Variants in SPSB3 observed in about 807,000 individuals in gnomAD.
The protein encoded by SPSB3 is SPRY domain-containing SOCS box protein 3.
A neutral mutation model predicts 29.5 loss-of-function variants in SPSB3; 18 were observed. That is an observed-to-expected ratio of 0.61 (90% confidence interval 0.42 to 0.91). The LOEUF (loss-of-function observed/expected upper bound fraction) is 0.91. SPSB3 is among the 40% of genes least tolerant of loss of function. The pLI, the probability that SPSB3 is intolerant of heterozygous loss-of-function variation, is 0.00. For missense variants in SPSB3, 540 were observed against 507.5 expected (o/e 1.06, Z -0.61); for synonymous variants, 299 against 214.1 (o/e 1.40, Z -3.46).
rs762526983 is a variant in SPSB3, at chr16:1,778,621, G to C, written c.127-9C>G. The C allele has an allele frequency of 1.3e-4, 201 of 1,538,316 alleles. 2 individuals carry two copies. In the South Asian group the frequency reaches 2.1e-3, roughly 16 times the overall value. On this transcript the variant is annotated splice_polypyrimidine_tract_variant and intron_variant, in intron 2 of 6. Coordinates refer to ENST00000566339, the MANE Select transcript of SPSB3 (RefSeq NM_080861.4). ...GAGTCCGAGTCGCTGTGCTGGGAGAGAAGGGCCGGCTGTTACTACCTGTTG... is the reference window on the plus strand; with the variant it reads ...GAGTCCGAGTCGCTGTGCTGGGAGACAAGGGCCGGCTGTTACTACCTGTTG...
rs540935603 is a variant in SPSB3, at chr16:1,778,739, A to G, written c.127-127T>C. Reference sequence around the variant, plus strand: ...AGGATGGGGGTCCAGGCCTCCAGGGACTTCACAGTACCCCGAGCGCACAGC... The same window carrying G: ...AGGATGGGGGTCCAGGCCTCCAGGGGCTTCACAGTACCCCGAGCGCACAGC... On this transcript the variant is annotated intron_variant, in intron 2 of 6. Coordinates refer to ENST00000566339, the MANE Select transcript of SPSB3 (RefSeq NM_080861.4). The G allele has an allele frequency of 3.7e-5, 38 of 1,033,810 alleles. No individual in the cohort carries two copies. The African/African-American group carries it at 5.5e-4, about 15-fold the overall frequency. 64.0% of individuals were successfully genotyped at this position (1,033,810 alleles called of 1,614,324 possible). A position where few individuals can be genotyped will look rare whatever the true frequency, so the allele number is the denominator to read the frequency against.
intron 5 of SPSB3, 30 bp downstream of exon 5, chr16:1,777,916 C>T (rs376603919): frequency 4.5e-5 from 73 of 1,611,702 alleles, no homozygotes; most frequent in African/African-American, 3.7e-4. Flanking sequence ...GCTCCAGGCT[C>T]GGCCCCGCCC....
At position 1,777,118 on chromosome 16, in the gene SPSB3, C is replaced by A; in HGVS notation, c.1047G>T (p.Arg349Ser). 6.2e-7 allele frequency: 1 copy of A among 1,611,200 alleles called. No homozygotes were observed. Among genetic ancestry groups the A allele is most frequent in the African/African-American group, 1.3e-5 (1 of 75,026 alleles). The change falls in exon 7 of 7, where the codon AGG (arginine) becomes AGT (serine). Residue 349 changes from arginine (R) to serine (S), a missense_variant. Arg to Ser is a moderately radical substitution (Grantham distance 110, BLOSUM62 -1). Coordinates refer to ENST00000566339, the MANE Select transcript of SPSB3 (RefSeq NM_080861.4). Reference protein sequence around the residue: ...PSSREPRPCQRKRCRRT With the variant: ...PSSREPRPCQSKRCRRT The stretch of plus-strand genomic sequence containing the variant: ...TCAGTCAGGTCCGGCGGCAGCGCTT[C>A]CTCTGGCAGGGCCGAGGCTCGCGAC...
chr16:1,779,377 C>T, intron 2 of SPSB3: 1 of 152,684 alleles, frequency 6.5e-6, no homozygotes, highest in Admixed American at 6.5e-5. Context: ...TGGCGGGGGG[C>T]CTGTGGCAGA....
At chr16:1,777,555 G>A (rs1234732875) in intron 6 of SPSB3, 112 bp from the exon 7 acceptor site, 62 of 1,355,112 alleles carry the variant, frequency 4.6e-5, no homozygotes, top group Non-Finnish European at 6.1e-5. Context: ...GCACAGCTGA[G>A]GCAAGGCAGG....
Position 1,777,194 on chromosome 16 carries a change from C to T in SPSB3, c.971G>A (p.Arg324His), listed in dbSNP as rs760381844. 73 of 1,610,298 alleles carry T rather than the reference C, an allele frequency of 4.5e-5. 1 individual carries two copies. In the East Asian group the frequency reaches 4.7e-4, roughly 10 times the overall value. The part of the protein sequence containing the change: ...GWVLSMSCSR[R>H]KAPVSDPQAA... ...CTGGGGATCGGACACTGGAGCCTTG[C>T]GGCGGCTGCAACTCATGCTCAGGAC... Residue 324 changes from arginine (R) to histidine (H), a missense_variant, in exon 7 of 7, where the codon CGC (arginine) becomes CAC (histidine). Arg to His is a conservative substitution (Grantham distance 29). Transcript: ENST00000566339.
At chr16:1,780,884 C>T (rs1277154875) in intron 2 of SPSB3, 1 of 333,064 alleles carries the variant, frequency 3.0e-6, no homozygotes, top group African/African-American at 2.2e-5. Flanking sequence ...AGGCACGTGC[C>T]ACCACGCCTG....
intron 1 of SPSB3, 100 bp downstream of exon 1, chr16:1,782,402 G>C (rs1445010247): frequency 6.6e-6 from 1 of 151,876 alleles, no homozygotes; most frequent in Non-Finnish European, 1.5e-5. Context: ...CCTCCGGAGA[G>C]GAACAAAGGC....
intron 1 of SPSB3, chr16:1,781,857 C>G: frequency 3.8e-6 from 1 of 265,606 alleles, no homozygotes; most frequent in Non-Finnish European, 7.4e-6. Flanking sequence ...TCTCCGGCCT[C>G]CCAGTTCCTC....
rs1182203767 is a variant in SPSB3, at chr16:1,777,203, C to T, written c.962G>A (p.Cys321Tyr). The T allele has an allele frequency of 6.2e-7, 1 of 1,610,420 alleles. No homozygotes were observed. The change falls in exon 7 of 7, where the codon TGC becomes TAC. Residue 321 changes from cysteine (C) to tyrosine (Y), a missense_variant. By Grantham distance (194) the Cys-to-Tyr change is radical (BLOSUM62 -2). Transcript: ENST00000566339. ...NKLGWVLSMS[C>Y]SRRKAPVSDP... is the part of the protein sequence containing the mutation. ...GGACACTGGAGCCTTGCGGCGGCTG[C>T]AACTCATGCTCAGGACCCAGCCCAG...
At chr16:1,782,081 G>C (rs1238004855) in intron 1 of SPSB3, 1 of 156,396 alleles carries the variant, frequency 6.4e-6, no homozygotes, top group Non-Finnish European at 1.4e-5. Flanking sequence ...AAGGCTGCGA[G>C]GGCCAGGTCT....
chr16:1,778,505 C>T lies in SPSB3; in HGVS notation c.234G>A (p.Glu78=). The T allele has an allele frequency of 1.2e-6, 2 of 1,612,122 alleles. No homozygotes were observed. Among genetic ancestry groups the T allele is most frequent in the African/African-American group, 2.7e-5 (2 of 75,048 alleles). ...AGTGCAGGCTGCTACAGAAGGAGGC[C>T]TCGCTCTGCCCAGCACAGTCACAGA... ...ESFCDCAGQS[E]ASFCSSLHSA... is the part of the protein sequence containing the mutation. The change falls in exon 3 of 7, where the codon GAG becomes GAA. Residue 78 remains glutamate (E), a synonymous_variant. Coordinates refer to ENST00000566339, the MANE Select transcript of SPSB3 (RefSeq NM_080861.4).
chr16:1,781,604 C>G, intron 1 of SPSB3, 109 bp from the exon 2 acceptor site: 3 of 1,226,074 alleles, frequency 2.4e-6, no homozygotes, highest in Non-Finnish European at 3.4e-6. Context: ...AGGGGCCGCA[C>G]CGGTGCCCAG....
Position 1,778,191 on chromosome 16 carries a change from C to A in SPSB3, c.435G>T (p.Gly145=). The part of the protein sequence containing the change: ...TAAIRGTKEL[G]EGQHFWEIKM... ...TGATCTCCCAGAAGTGCTGGCCCTC[C>A]CCCAGCTCCTTGGTGCCCCGGATGG... The change falls in exon 4 of 7, where the codon GGG becomes GGT. Residue 145 remains glycine, a synonymous_variant. Transcript: ENST00000566339. The A allele has an allele frequency of 6.2e-7, 1 of 1,612,990 alleles. No homozygotes were observed.
At chr16:1,782,429 T>G (rs1175610017) in intron 1 of SPSB3, 73 bp downstream of exon 1, 2 of 151,922 alleles carry the variant, frequency 1.3e-5, no homozygotes, top group Non-Finnish European at 2.9e-5. Flanking sequence ...CTGGCCGCGC[T>G]GCTACCGCCG....
At chr16:1,780,186 C>T (rs954240151) in intron 2 of SPSB3, 1 of 152,336 alleles carries the variant, frequency 6.6e-6, no homozygotes, top group Non-Finnish European at 1.5e-5. Context: ...CAGACACTGG[C>T]CTGGCCTGTG....
At chr16:1,778,379 C>T in intron 3 of SPSB3, 56 bp downstream of exon 3, 1 of 1,608,022 alleles carries the variant, frequency 6.2e-7, no homozygotes, top group Non-Finnish European at 8.5e-7. Flanking sequence ...TCTGCCCTGC[C>T]CACCCCCAGG....
Position 1,781,359 on chromosome 16 carries a change from T to C in SPSB3, c.125A>G (p.Gln42Arg), listed in dbSNP as rs910269200. Residue 42 changes from glutamine to arginine, a missense_variant and splice_region_variant, in exon 2 of 7, where the codon CAG becomes CGG. Physicochemically the swap from Gln to Arg is conservative, Grantham distance 43 (BLOSUM62 1). Coordinates refer to ENST00000566339, the MANE Select transcript of SPSB3 (RefSeq NM_080861.4). ...TCCGCCTCGCCCGCTGGAACCTACCTGCCCATCAGAGTCGTAGCCCCAGTT... is the reference window on the plus strand; with the variant it reads ...TCCGCCTCGCCCGCTGGAACCTACCCGCCCATCAGAGTCGTAGCCCCAGTT... Reference protein sequence around the residue: ...STNWGYDSDGQHSDSDSDPEY... With the variant: ...STNWGYDSDGRHSDSDSDPEY... The C allele has an allele frequency of 6.2e-7, 1 of 1,612,760 alleles. No individual in the cohort carries two copies. The highest frequency in any genetic ancestry group is 8.5e-7 in the Non-Finnish European group (1 of 1,180,008).
chr16:1,777,084 A>G lies in SPSB3; in HGVS notation c.*13T>C, dbSNP rs776781052. 1 of 1,608,238 alleles carries G rather than the reference A, an allele frequency of 6.2e-7. No homozygotes were observed. Among genetic ancestry groups the G allele is most frequent in the Non-Finnish European group, 8.5e-7 (1 of 1,177,106 alleles). On this transcript the variant is annotated 3_prime_UTR_variant, in exon 7 of 7. Transcript: ENST00000566339. ...TGTCCCAGCCCAAGAAGGCAGTTCC[A>G]CTGGGAAGTCAGTCAGGTCCGGCGG...
Sources: allele counts gnomAD v4.1 joint callset, GRCh38; gene constraint gnomAD v4.1.1; transcripts MANE v1.5; gene names NCBI Gene and HGNC (gene_info 2026-07-23, HGNC 2026-07-21).